Variants in SYNPR observed in about 807,000 individuals in gnomAD.
The protein encoded by SYNPR is synaptoporin.
In SYNPR, 23 loss-of-function variants were observed where a neutral mutation model predicts 32.9. That is an observed-to-expected ratio of 0.70 (90% CI 0.50 to 0.99). The LOEUF (loss-of-function observed/expected upper bound fraction) is 0.99, where lower values mean the gene tolerates loss of function less well. Ranked by LOEUF, SYNPR falls within the 50% of genes least tolerant of loss-of-function variation. The pLI, the probability that SYNPR is intolerant of heterozygous loss-of-function variation, is 0.00. For missense variants in SYNPR, 318 were observed against 349.3 expected (o/e 0.91, Z 0.71); for synonymous variants, 146 against 135.9 (o/e 1.07, Z -0.52).
chr3:63,315,204 C>T (rs1450349934), intron 2 of SYNPR, among the ~76,000 whole-genome samples: 2 of 151,546 alleles, frequency 1.3e-5, no homozygotes, highest in Admixed American at 6.6e-5. Flanking sequence ...CTTAGTCTTG[C>T]TTTGGCTATG....
At chr3:63,483,661 A>G (rs530652115) in intron 3 of SYNPR, among the ~76,000 whole-genome samples, 1 of 152,280 alleles carries the variant, frequency 6.6e-6, no homozygotes, top group South Asian at 2.1e-4. Context: ...AGTGAGATGA[A>G]ATGATAAGAC....
At chr3:63,501,494 C>CAAAAAAAAAAAAAAAAAAAAAAAAAAAA (rs377290258) in intron 3 of SYNPR, among the ~76,000 whole-genome samples, 17 of 96,674 alleles carry the variant, frequency 1.8e-4, no homozygotes, top group East Asian at 2.7e-4. Context: ...CTCCCCCAAC[C>CAAAAAAAAAAAAAAAAAAAAAAAAAAAA]AAAAAAAAAA....
intron 2 of SYNPR, among the ~76,000 whole-genome samples, chr3:63,422,270 T>A (rs1699813905): frequency 6.6e-6 from 1 of 152,198 alleles, no homozygotes. Context: ...TTGCTATGTG[T>A]TCTCCCTTCT....
intron 2 of SYNPR, among the ~76,000 whole-genome samples, chr3:63,302,226 G>T (rs1338424773): frequency 1.3e-5 from 2 of 151,962 alleles, no homozygotes; most frequent in Non-Finnish European, 2.9e-5. Context: ...AGTTGCAGTT[G>T]CCCTCCTTGT....
intron 2 of SYNPR, among the ~76,000 whole-genome samples, chr3:63,413,352 T>C (rs183806117): frequency 1.4e-3 from 209 of 152,296 alleles, no homozygotes; most frequent in South Asian, 5.6e-3. Context: ...TGCTACAGGC[T>C]AACAGGCCAA....
chr3:63,428,311 G>A (rs2107141476), intron 2 of SYNPR, among the ~76,000 whole-genome samples: 1 of 152,280 alleles, frequency 6.6e-6, no homozygotes, highest in African/African-American at 2.4e-5. Flanking sequence ...ATTCTTAGAA[G>A]ATCAATAACA....
At chr3:63,268,791 A>C (rs1006406168) in intron 3 of SYNPR, among the ~76,000 whole-genome samples, 1 of 152,176 alleles carries the variant, frequency 6.6e-6, no homozygotes, top group Non-Finnish European at 1.5e-5. Flanking sequence ...GTATTTTGAA[A>C]ATTTAGAAAA....
At chr3:63,580,655 T>G (rs1703074053) in intron 4 of SYNPR, among the ~76,000 whole-genome samples, 1 of 152,082 alleles carries the variant, frequency 6.6e-6, no homozygotes. Context: ...TTTTTCCAAT[T>G]GTGGTCAAAT....
intron 2 of SYNPR, among the ~76,000 whole-genome samples, chr3:63,293,248 T>A (rs1268129519): frequency 6.6e-6 from 1 of 152,218 alleles, no homozygotes; most frequent in Non-Finnish European, 1.5e-5. Flanking sequence ...AAATCATATC[T>A]ATCTGACTTC....
At chr3:63,605,753 GAAGA>G (rs1207691199) in intron 4 of SYNPR, among the ~76,000 whole-genome samples, 1 of 152,224 alleles carries the variant, frequency 6.6e-6, no homozygotes, top group African/African-American at 2.4e-5. Context: ...GCATTGATTT[GAAGA>G]AAGAAAGAAG....
At chr3:63,335,171 G>A (rs1040995197) in intron 2 of SYNPR, among the ~76,000 whole-genome samples, 6 of 152,052 alleles carry the variant, frequency 3.9e-5, no homozygotes, top group African/African-American at 7.2e-5. Flanking sequence ...TGGCTAACAC[G>A]GTGAAACCTC....
At chr3:63,306,201 C>G (rs13080581) in intron 2 of SYNPR, among the ~76,000 whole-genome samples, 112,849 of 151,896 alleles carry the variant, frequency 0.74, 43,134 homozygotes, top group Non-Finnish European at 0.83. Flanking sequence ...TGCATCTCAT[C>G]GATGTATGTC....
At chr3:63,256,285 T>A (rs976732206) in intron 2 of SYNPR, among the ~76,000 whole-genome samples, 42 of 152,218 alleles carry the variant, frequency 2.8e-4, no homozygotes, top group African/African-American at 9.9e-4. Flanking sequence ...AGTGTGTCCA[T>A]GACCCCCGAG....
intron 2 of SYNPR, among the ~76,000 whole-genome samples, chr3:63,309,619 G>A (rs1019679871): frequency 6.6e-6 from 1 of 151,956 alleles, no homozygotes; most frequent in African/African-American, 2.4e-5. Flanking sequence ...TCTACAAAAT[G>A]CCTGTGAGTG....
intron 2 of SYNPR, among the ~76,000 whole-genome samples, chr3:63,430,409 T>A (rs935861878): frequency 6.6e-6 from 1 of 151,508 alleles, no homozygotes; most frequent in Non-Finnish European, 1.5e-5. Context: ...CTTATCCTCA[T>A]GGAAATTGTG....
At chr3:63,475,874 GCAGAA>G (rs1016934258) in intron 2 of SYNPR, among the ~76,000 whole-genome samples, 9 of 151,928 alleles carry the variant, frequency 5.9e-5, no homozygotes, top group Non-Finnish European at 1.3e-4. Context: ...ACTTAGTTTT[GCAGAA>G]CTGAGCATCT....
intron 3 of SYNPR, among the ~76,000 whole-genome samples, chr3:63,497,984 G>C (rs1414190412): frequency 6.6e-6 from 1 of 152,050 alleles, no homozygotes; most frequent in East Asian, 1.9e-4. Context: ...GAGAAATACA[G>C]GGAGTAAGAA....
intron 2 of SYNPR, among the ~76,000 whole-genome samples, chr3:63,353,281 A>C (rs954902936): frequency 2.6e-5 from 4 of 152,240 alleles, no homozygotes; most frequent in African/African-American, 7.2e-5. Flanking sequence ...TCAGAGGAGT[A>C]AGGGGTTGCT....
At chr3:63,469,887 G>A (rs1328750848) in intron 2 of SYNPR, among the ~76,000 whole-genome samples, 1 of 151,870 alleles carries the variant, frequency 6.6e-6, no homozygotes, top group Non-Finnish European at 1.5e-5. Flanking sequence ...ATTCCAAAGG[G>A]AGTGGATTTC....
Sources: allele counts gnomAD v4.1 joint callset (sites outside exome capture counted in the v4.1 genomes callset), GRCh38; gene constraint gnomAD v4.1.1; transcripts MANE v1.5; gene names NCBI Gene and HGNC (gene_info 2026-07-23, HGNC 2026-07-21).